The following BLVRA variants were observed in gnomAD, a reference collection of about 807,000 sequenced individuals.
The protein encoded by BLVRA is biliverdin reductase A.
In BLVRA, 22 loss-of-function variants were observed where a neutral mutation model predicts 32.8. That is an observed-to-expected ratio of 0.67 (90% CI 0.48 to 0.96). The LOEUF is 0.96. BLVRA is among the 40% of genes least tolerant of loss of function. The pLI, the probability that BLVRA is intolerant of heterozygous loss-of-function variation, is 0.00. For synonymous variants in BLVRA, 119 were observed against 141.3 expected (o/e 0.84, Z 1.12); for missense variants, 323 against 358.1 (o/e 0.90, Z 0.79).
Position 43,771,145 on chromosome 7 carries a change from A to C in BLVRA, c.-14A>C, listed in dbSNP as rs780611412. On this transcript the variant is annotated 5_prime_UTR_variant, in exon 2 of 8. Transcript: ENST00000265523. ...CTGCTTTTGTCTTTACAGTGACCGA[A>C]GGAAGAGACCAAGATGAATGCAGAG... The C allele has an allele frequency of 1.2e-6, 2 of 1,613,956 alleles. No individual in the cohort carries two copies. The highest frequency in any genetic ancestry group is 2.7e-5 in the African/African-American group (2 of 74,936).
chr7:43,760,509 T>C (rs7793236), intron 1 of BLVRA, among the ~76,000 whole-genome samples: 1,781 of 152,298 alleles, frequency 0.012, 34 homozygotes, highest in African/African-American at 0.041. Context: ...CATGATCATA[T>C]ATTTATCAGT....
At chr7:43,800,674 G>C in intron 6 of BLVRA, 102 bp downstream of exon 6, 2 of 1,053,906 alleles carry the variant, frequency 1.9e-6, no homozygotes, top group Non-Finnish European at 2.9e-6. Flanking sequence ...TTCTGCTCAA[G>C]ACTCTCTGAC....
chr7:43,762,516 A>AT, intron 1 of BLVRA, among the ~76,000 whole-genome samples: 1 of 148,586 alleles, frequency 6.7e-6, no homozygotes, highest in Middle Eastern at 3.5e-3. Context: ...TTACTGTGAG[A>AT]TTTTGCATCT....
At chr7:43,774,408 T>G (rs1347944679) in intron 2 of BLVRA, among the ~76,000 whole-genome samples, 1 of 152,244 alleles carries the variant, frequency 6.6e-6, no homozygotes, top group East Asian at 1.9e-4. Context: ...CCTTTCCCCA[T>G]TGCTTGTTTT....
intron 6 of BLVRA, among the ~76,000 whole-genome samples, chr7:43,801,624 TTAAGTTAAG>T (rs974906254): frequency 1.0e-3 from 117 of 116,116 alleles, no homozygotes; most frequent in African/African-American, 3.2e-3. Flanking sequence ...AGAAACTGTG[TTAAGTTAAG>T]TAAGTTAAGT....
intron 5 of BLVRA, among the ~76,000 whole-genome samples, chr7:43,797,931 C>T (rs535292360): frequency 1.1e-3 from 167 of 152,178 alleles, no homozygotes; most frequent in Non-Finnish European, 2.0e-3. Flanking sequence ...GTGGCTCACA[C>T]CTGTAATCCT....
At chr7:43,780,487 A>G (rs1228491233) in intron 2 of BLVRA, among the ~76,000 whole-genome samples, 1 of 152,170 alleles carries the variant, frequency 6.6e-6, no homozygotes. Context: ...TGGGACCACC[A>G]TATCTTTCCA....
chr7:43,798,166 C>G (rs985127216), intron 5 of BLVRA, among the ~76,000 whole-genome samples: 1 of 127,074 alleles, frequency 7.9e-6, no homozygotes, highest in Non-Finnish European at 1.6e-5. Context: ...TATACTCCAG[C>G]CTGGGTGACA....
chr7:43,783,393 A>G (rs1416278644), intron 2 of BLVRA, among the ~76,000 whole-genome samples: 1 of 152,274 alleles, frequency 6.6e-6, no homozygotes, highest in Middle Eastern at 3.4e-3. Context: ...AGACTGTAGC[A>G]CACAGTGCAC....
Position 43,791,349 on chromosome 7 carries a change from A to T in BLVRA, c.235A>T (p.Ser79Cys). ...CGCCTATATCTGCAGTGAGAGCTCC[A>T]GCCATGAGGACTACATCAGGTGGGT... ...EVAYICSESS[S>C]HEDYIRQFLN... The change falls in exon 4 of 8, where the codon AGC becomes TGC. Residue 79 changes from serine to cysteine, a missense_variant. Physicochemically the swap from Ser to Cys is moderately radical, Grantham distance 112. Transcript: ENST00000265523. The T allele has an allele frequency of 6.2e-7, 1 of 1,614,174 alleles. No homozygotes were observed. The highest frequency in any genetic ancestry group is 8.5e-7 in the Non-Finnish European group (1 of 1,180,020).
Position 43,787,921 on chromosome 7 carries a change from C to T in BLVRA, c.30C>T (p.Gly10=), listed in dbSNP as rs17245911. The T allele has an allele frequency of 1.1e-4, 176 of 1,614,110 alleles. 3 individuals carry two copies. The Admixed American group carries it at 1.9e-3, about 18-fold the overall frequency. Residue 10 remains glycine (G), a synonymous_variant, in exon 3 of 8, where the codon GGC becomes GGT. Transcript: ENST00000265523. The surrounding 1 kb of genome is among the most constrained non-coding windows in gnomAD (Gnocchi z 4.5). ...TGTTTCAGCCCGAGAGGAAGTTTGGCGTGGTGGTGGTTGGTGTTGGCCGAG... is the reference window on the plus strand; with the variant it reads ...TGTTTCAGCCCGAGAGGAAGTTTGGTGTGGTGGTGGTTGGTGTTGGCCGAG... MNAEPERKF[G]VVVVGVGRAG...
chr7:43,773,448 T>C (rs1394745822), intron 2 of BLVRA, among the ~76,000 whole-genome samples: 1 of 152,246 alleles, frequency 6.6e-6, no homozygotes, highest in African/African-American at 2.4e-5. Context: ...TTCATCCATG[T>C]CCCTACAAAG....
intron 3 of BLVRA, among the ~76,000 whole-genome samples, chr7:43,789,876 CGTGTGTGTGTGT>C (rs141385505): frequency 5.4e-5 from 8 of 149,016 alleles, no homozygotes; most frequent in African/African-American, 2.0e-4. Context: ...GTGGTATGTA[CGTGTGTGTGTGT>C]GTGTGTGTGT....
At chr7:43,758,899 C>CCCCGCCCGGG (rs1429716992) in intron 1 of BLVRA, among the ~76,000 whole-genome samples, 165 bp downstream of exon 1, 177 of 152,040 alleles carry the variant, frequency 1.2e-3, no homozygotes, top group Middle Eastern at 0.01. Flanking sequence ...CCCCGCCCCG[C>CCCCGCCCGGG]CCCGCCCGGG....
At chr7:43,776,406 A>G (rs1214550692) in intron 2 of BLVRA, among the ~76,000 whole-genome samples, 1 of 152,232 alleles carries the variant, frequency 6.6e-6, no homozygotes, top group Admixed American at 6.5e-5. Flanking sequence ...TGTACCCAGT[A>G]GTCATTCAGG....
At chr7:43,771,735 G>A (rs1434084926) in intron 2 of BLVRA, among the ~76,000 whole-genome samples, 2 of 152,182 alleles carry the variant, frequency 1.3e-5, no homozygotes, top group African/African-American at 2.4e-5. Flanking sequence ...CCCCACAAGA[G>A]GGGGGTCTTG....
intron 1 of BLVRA, chr7:43,767,452 T>A: frequency 6.6e-7 from 1 of 1,509,954 alleles, no homozygotes; most frequent in Admixed American, 1.7e-5. Context: ...CTTATATATC[T>A]GGAGGCGCCC....
At chr7:43,797,036 T>A (rs1368780252) in intron 5 of BLVRA, among the ~76,000 whole-genome samples, 1 of 152,232 alleles carries the variant, frequency 6.6e-6, no homozygotes, top group East Asian at 1.9e-4. Flanking sequence ...TCAGCAGCCA[T>A]CAACATGGAA....
intron 3 of BLVRA, among the ~76,000 whole-genome samples, chr7:43,788,362 C>T (rs1189760426): frequency 6.6e-6 from 1 of 152,204 alleles, no homozygotes; most frequent in African/African-American, 2.4e-5. Context: ...GGAATCCTGA[C>T]ATAGTCATCA....
Sources: gnomAD v4.1 joint callset for allele counts (sites outside exome capture counted in the v4.1 genomes callset) on GRCh38, gnomAD v4.1.1 for gene constraint, Gnocchi (gnomAD v3.1) non-coding constraint, MANE v1.5 for transcripts, NCBI Gene and HGNC (gene_info 2026-07-23, HGNC 2026-07-21) for gene names.